EFNB2: variants seen among roughly 807,000 people sequenced by gnomAD.
EFNB2 encodes ephrin B2.
In EFNB2, 5 loss-of-function variants were observed where a neutral mutation model predicts 32.1. The ratio of observed to expected loss-of-function variants is 0.16; its 90% CI spans 0.08 to 0.33. EFNB2 has a LOEUF of 0.33. Among genes scored for constraint, EFNB2 ranks in the 10% least tolerant of loss-of-function variants. The probability of loss-of-function intolerance (pLI) is 1.00; values close to 1 mark genes in which losing one functional copy is unlikely to be tolerated. For synonymous variants in EFNB2, 168 were observed against 166.5 expected, an observed-to-expected ratio of 1.01 and a Z score of -0.07; for missense variants, 263 against 422.6, an observed-to-expected ratio of 0.62 and a Z score of 3.31.
chr13:106,518,588 T>G lies in EFNB2; in HGVS notation c.123-5776A>C, dbSNP rs1879394314. On this transcript the variant is annotated intron_variant, in intron 1 of 4. Transcript: ENST00000646441. This position sits in a 1 kb window ranked among gnomAD's most constrained non-coding sequence, Gnocchi z 4.1. The stretch of plus-strand genomic sequence containing the variant: ...TCAAGTCTGGACTTTTCTGCTGACC[T>G]GTATTGCATTATCGGGTCTCACAGG... 1.3e-5 allele frequency: 2 copies of G among 152,202 alleles called. No individual in the cohort carries two copies. Among genetic ancestry groups the G allele is most frequent in the East Asian group, 3.9e-4 (2 of 5,194 alleles). 9.4% of individuals were successfully genotyped at this position (152,202 alleles called of 1,614,324 possible). A position where few individuals can be genotyped will look rare whatever the true frequency, so the allele number is the denominator to read the frequency against.
intron 2 of EFNB2, among the ~76,000 whole-genome samples, chr13:106,509,425 C>T (rs1309853834): frequency 6.6e-6 from 1 of 152,144 alleles, no homozygotes; most frequent in Admixed American, 6.5e-5. Flanking sequence ...GGGTTAAACC[C>T]ATGTAGAATT....
chr13:106,493,324 C>T lies in EFNB2; in HGVS notation c.718G>A (p.Val240Ile), dbSNP rs766757594. The change falls in exon 5 of 5, where the codon GTC (valine) becomes ATC (isoleucine). Residue 240 changes from valine (V) to isoleucine (I), a missense_variant. Transcript: ENST00000646441. The surrounding 1 kb of genome is among the most constrained non-coding windows in gnomAD (Gnocchi z 6.1). ...GIASGCIIFI[V>I]IIITLVVLLL... is the part of the protein sequence containing the mutation. ...AGGACCACCAGCGTGATGATGATGACGATGAAGATGATGCATCCTGAAGCA... is the reference window on the plus strand; with the variant it reads ...AGGACCACCAGCGTGATGATGATGATGATGAAGATGATGCATCCTGAAGCA... 8.1e-6 allele frequency: 13 copies of T among 1,613,980 alleles called. No individual in the cohort carries two copies. Among genetic ancestry groups the T allele is most frequent in the Admixed American group, 1.7e-5 (1 of 59,984 alleles).
rs577972443 is a variant in EFNB2 at position 106,528,760 on chromosome 13, A to C, written c.122+6083T>G. 3.3e-5 allele frequency among the ~76,000 whole-genome samples: 5 copies of C among 152,344 alleles called. No individual in the cohort carries two copies. In the South Asian group the frequency reaches 1.0e-3, roughly 32 times the overall value. On this transcript the variant is annotated intron_variant, in intron 1 of 4. Coordinates refer to ENST00000646441, the MANE Select transcript of EFNB2 (RefSeq NM_004093.4). ...TTGTTTAATGGCTGAAATGGAAAGT[A>C]TGGAAGGCAAAAACAAAAGTCTAGC... is the stretch of plus-strand genomic sequence containing the variant.
chr13:106,525,337 A>G (rs147860075), intron 1 of EFNB2, among the ~76,000 whole-genome samples: 255 of 152,304 alleles, frequency 1.7e-3, no homozygotes, highest in Admixed American at 7.1e-3. Flanking sequence ...CACTTGCCCT[A>G]CTGTCTCTGC....
At chr13:106,511,131 G>A (rs1879129448) in intron 2 of EFNB2, among the ~76,000 whole-genome samples, 1 of 152,068 alleles carries the variant, frequency 6.6e-6, no homozygotes, top group Non-Finnish European at 1.5e-5. Flanking sequence ...TCCCTACTAT[G>A]CTGCATACTT....
At chr13:106,527,487 A>C (rs1009881170) in intron 1 of EFNB2, among the ~76,000 whole-genome samples, 8 of 152,184 alleles carry the variant, frequency 5.3e-5, no homozygotes, top group African/African-American at 1.9e-4. Flanking sequence ...AGAATTACTA[A>C]GGGCAGAAAC....
chr13:106,503,936 A>C (rs753603684), intron 2 of EFNB2, among the ~76,000 whole-genome samples: 8 of 152,192 alleles, frequency 5.3e-5, no homozygotes, highest in Non-Finnish European at 1.0e-4. Flanking sequence ...ATAATTCCCT[A>C]TTGTCTATAT....
rs1165471814 is a variant in EFNB2 at position 106,531,383 on chromosome 13, G to C, written c.122+3460C>G. On this transcript the variant is annotated intron_variant, in intron 1 of 4. Transcript: ENST00000646441. ...GTTTATCATCCTGACAAAATGTGAGGAATGTGGATGTGAAAGCACTAACAA... is the reference window on the plus strand; with the variant it reads ...GTTTATCATCCTGACAAAATGTGAGCAATGTGGATGTGAAAGCACTAACAA... Among the ~76,000 whole-genome samples the C allele has an allele frequency of 2.0e-5, 3 of 152,208 alleles. No individual in the cohort carries two copies. In the East Asian group the frequency reaches 5.8e-4, roughly 29 times the overall value.
intron 1 of EFNB2, among the ~76,000 whole-genome samples, chr13:106,525,417 C>T (rs1256376094): frequency 1.3e-5 from 2 of 152,180 alleles, no homozygotes; most frequent in Non-Finnish European, 2.9e-5. Context: ...ATAATTCTCA[C>T]GTGAACAGGT....
intron 1 of EFNB2, among the ~76,000 whole-genome samples, chr13:106,533,136 G>A (rs1328151807): frequency 1.3e-5 from 2 of 151,086 alleles, no homozygotes; most frequent in Non-Finnish European, 2.9e-5. Context: ...GAACCGGTCA[G>A]TGAAAGTGCA....
intron 2 of EFNB2, among the ~76,000 whole-genome samples, chr13:106,501,868 A>G (rs1393461465): frequency 6.6e-6 from 1 of 152,238 alleles, no homozygotes; most frequent in Non-Finnish European, 1.5e-5. Flanking sequence ...CTAGGATTAC[A>G]GGCGTGAGCC....
intron 1 of EFNB2, chr13:106,521,435 AT>A (rs2138933679): frequency 6.6e-6 from 1 of 152,302 alleles, no homozygotes; most frequent in East Asian, 1.9e-4. Flanking sequence ...GGAAAGTTTT[AT>A]TTGTCAAACT....
intron 3 of EFNB2, among the ~76,000 whole-genome samples, chr13:106,495,408 G>A (rs1007622306): frequency 3.3e-5 from 5 of 152,196 alleles, no homozygotes; most frequent in Admixed American, 6.5e-5. Context: ...AACTGCACAA[G>A]CTTTTAGTTT....
chr13:106,529,530 A>G (rs1879807278), intron 1 of EFNB2, among the ~76,000 whole-genome samples: 1 of 152,172 alleles, frequency 6.6e-6, no homozygotes, highest in African/African-American at 2.4e-5. Flanking sequence ...CCCAGACCAC[A>G]AGTAGAGCTT....
intron 1 of EFNB2, chr13:106,519,122 A>G (rs1006046488): frequency 6.6e-6 from 1 of 152,264 alleles, no homozygotes; most frequent in Admixed American, 6.5e-5. Flanking sequence ...CAAAAAAGAT[A>G]CAAACAGGAA....
chr13:106,524,379 C>T (rs1164961406), intron 1 of EFNB2, among the ~76,000 whole-genome samples: 2 of 152,224 alleles, frequency 1.3e-5, no homozygotes, highest in Non-Finnish European at 1.5e-5. Context: ...TGGCCCCAGA[C>T]TAGCTGGGTT....
intron 1 of EFNB2, among the ~76,000 whole-genome samples, chr13:106,514,962 T>G (rs1879265094): frequency 6.6e-6 from 1 of 152,206 alleles, no homozygotes; most frequent in African/African-American, 2.4e-5. Flanking sequence ...TCTCCCACAT[T>G]ACACCCTATG....
rs141714663 is a variant in EFNB2, at chr13:106,525,895, C to A, written c.122+8948G>T. ...AATACTCCACCATCAATGGTTAGAT[C>A]CCTGATGCTCCCCCAACAAGGCAAG... On this transcript the variant is annotated intron_variant, in intron 1 of 4. Coordinates refer to ENST00000646441, the MANE Select transcript of EFNB2 (RefSeq NM_004093.4). Among the ~76,000 whole-genome samples the A allele has an allele frequency of 3.6e-3, 542 of 152,328 alleles. 4 individuals carry two copies. The highest frequency in any genetic ancestry group is 0.013 in the African/African-American group (520 of 41,568).
rs978889393 is a variant in EFNB2, at chr13:106,491,067, G to A, written c.*1973C>T. ...TGTTTACTCTTCTTGTTTCCCAGAA[G>A]GGAGGGGGTGCGGGGGAGGACAGGA... On this transcript the variant is annotated 3_prime_UTR_variant, in exon 5 of 5. Transcript: ENST00000646441. The A allele has an allele frequency of 1.3e-5, 2 of 152,646 alleles. No homozygotes were observed. The highest frequency in any genetic ancestry group is 2.9e-5 in the Non-Finnish European group (2 of 68,080). The allele number at this position is 152,646 out of a possible 1,614,324, so 9.5% of individuals were successfully genotyped here.
Sources: gnomAD v4.1 joint callset for allele counts (sites outside exome capture counted in the v4.1 genomes callset) on GRCh38, gnomAD v4.1.1 for gene constraint, Gnocchi (gnomAD v3.1) non-coding constraint, MANE v1.5 for transcripts, NCBI Gene and HGNC (gene_info 2026-07-23, HGNC 2026-07-21) for gene names.